The following RGS22 variants were observed in gnomAD, a reference collection of about 807,000 sequenced individuals.
RGS22 encodes the protein regulator of G-protein signaling 22.
A neutral mutation model predicts 172.9 loss-of-function variants in RGS22; 148 were observed. That is an observed-to-expected ratio of 0.86 (90% CI 0.75 to 0.98). The LOEUF (loss-of-function observed/expected upper bound fraction) is 0.98. Among genes scored for constraint, RGS22 ranks in the 50% least tolerant of loss-of-function variants. RGS22 has a pLI of 0.00. For missense variants in RGS22, 1,347 were observed against 1,440.8 expected (o/e 0.93, Z 1.05); for synonymous variants, 458 against 480.2 (o/e 0.95, Z 0.60).
At chr8:100,047,114 C>A (rs1820806444) in intron 11 of RGS22, among the ~76,000 whole-genome samples, 1 of 152,102 alleles carries the variant, frequency 6.6e-6, no homozygotes. Context: ...CGTGTCTGGT[C>A]AGTAACAATA....
intron 23 of RGS22, among the ~76,000 whole-genome samples, chr8:99,976,247 CTG>C (rs1563564437): frequency 6.6e-6 from 1 of 152,018 alleles, no homozygotes; most frequent in African/African-American, 2.4e-5. Flanking sequence ...TTATGGCAGA[CTG>C]AACAGACTAA....
chr8:100,042,070 C>A, intron 11 of RGS22, 154 bp from the exon 12 acceptor site: 1 of 502,002 alleles, frequency 2.0e-6, no homozygotes, highest in Non-Finnish European at 3.6e-6. Context: ...CGTTCTAGCC[C>A]TAAAGTGGTG....
rs369654533 is a variant in RGS22 at position 100,035,761 on chromosome 8, T to C, written c.2166+3170A>G. Among the ~76,000 whole-genome samples the C allele has an allele frequency of 2.6e-4, 40 of 152,258 alleles. 2 individuals carry two copies. The highest frequency in any genetic ancestry group is 1.9e-3 in the East Asian group (10 of 5,184). ...AAGAAAATGTGGCACATATACACCA[T>C]GGAATACTATGCAGCCATAAAAAAG... On this transcript the variant is annotated intron_variant, in intron 14 of 27. Coordinates refer to ENST00000360863, the MANE Select transcript of RGS22 (RefSeq NM_015668.5).
chr8:99,969,332 A>G (rs1811085123), intron 23 of RGS22, among the ~76,000 whole-genome samples: 1 of 152,228 alleles, frequency 6.6e-6, no homozygotes, highest in African/African-American at 2.4e-5. Context: ...AACTGCATCA[A>G]GTAATGTGCA....
chr8:99,993,179 C>T (rs1042462198), intron 20 of RGS22, among the ~76,000 whole-genome samples: 4 of 151,936 alleles, frequency 2.6e-5, no homozygotes, highest in African/African-American at 4.8e-5. Flanking sequence ...GATCTAAAAT[C>T]GACACCCTAA....
chr8:100,014,576 T>C (rs1334041454), intron 14 of RGS22, among the ~76,000 whole-genome samples: 1 of 152,206 alleles, frequency 6.6e-6, no homozygotes, highest in East Asian at 1.9e-4. Flanking sequence ...TTATCTCCTC[T>C]CTCCTTGACT....
At chr8:99,999,559 T>G in intron 18 of RGS22, 139 bp from the exon 19 acceptor site, 1 of 739,334 alleles carries the variant, frequency 1.4e-6, no homozygotes, top group Non-Finnish European at 2.2e-6. Context: ...TAACATCTCC[T>G]GGCTATACTG....
chr8:100,059,127 C>CCATGGTACATGGTA, intron 9 of RGS22, among the ~76,000 whole-genome samples: 1 of 151,194 alleles, frequency 6.6e-6, no homozygotes, highest in African/African-American at 2.4e-5. Context: ...TAACCTCAAA[C>CCATGGTACATGGTA]CAAAAAACAT....
intron 9 of RGS22, among the ~76,000 whole-genome samples, chr8:100,057,909 G>A (rs1342352926): frequency 6.6e-6 from 1 of 152,134 alleles, no homozygotes; most frequent in African/African-American, 2.4e-5. Context: ...AGAGATATGT[G>A]ACCTTTCAGA....
intron 4 of RGS22, among the ~76,000 whole-genome samples, chr8:100,076,909 C>A (rs1811392211): frequency 6.6e-6 from 1 of 152,106 alleles, no homozygotes; most frequent in Admixed American, 6.5e-5. Flanking sequence ...AGGAGAATCG[C>A]TTGAACCTGG....
At chr8:99,975,280 C>T (rs1381454119) in intron 23 of RGS22, among the ~76,000 whole-genome samples, 1 of 151,902 alleles carries the variant, frequency 6.6e-6, no homozygotes, top group Non-Finnish European at 1.5e-5. Context: ...ATTGTTGAAC[C>T]AACATCTGAT....
At chr8:100,017,181 C>T (rs1817081964) in intron 14 of RGS22, among the ~76,000 whole-genome samples, 1 of 151,692 alleles carries the variant, frequency 6.6e-6, no homozygotes, top group African/African-American at 2.4e-5. Context: ...ATTATATTGC[C>T]CAGGCTGGTC....
In RGS22 at chr8:100,066,213, A is replaced by C. The variant is rs200474479; in HGVS notation, c.678T>G (p.Cys226Trp). 187 of 1,613,582 alleles carry C rather than the reference A, an allele frequency of 1.2e-4. No homozygotes were observed. The highest frequency in any genetic ancestry group is 3.3e-4 in the Middle Eastern group (2 of 6,056). ...GTGATTTAAGTTTGTTGTAGGGTAC[A>C]CAACAGGGTAACGAAAAGGTTGATA... is the stretch of plus-strand genomic sequence containing the variant. ...QTVSTFSLPC[C>W]VPYNKLKSPA... The change falls in exon 7 of 28, where the codon TGT becomes TGG. Residue 226 changes from cysteine (C) to tryptophan (W), a missense_variant. Transcript: ENST00000360863.
At chr8:100,041,766 G>T in intron 12 of RGS22, 36 bp downstream of exon 12, 3 of 1,113,798 alleles carry the variant, frequency 2.7e-6, no homozygotes, top group African/African-American at 1.6e-5. Context: ...TCAGTTAAAT[G>T]AAGAATCAGG....
At chr8:99,967,718 G>C (rs973189412) in intron 23 of RGS22, among the ~76,000 whole-genome samples, 6 of 152,184 alleles carry the variant, frequency 3.9e-5, no homozygotes, top group Non-Finnish European at 7.3e-5. Context: ...CTGAAAGAAA[G>C]CCAGCAGCCC....
chr8:99,974,926 T>C (rs562985824), intron 23 of RGS22, among the ~76,000 whole-genome samples: 27 of 152,022 alleles, frequency 1.8e-4, no homozygotes, highest in Non-Finnish European at 2.9e-4. Flanking sequence ...GGTGGGCGGA[T>C]TACTTGAGGT....
At position 100,047,527 on chromosome 8, in the gene RGS22, G is replaced by A. The variant is rs774663532; in HGVS notation, c.1759C>T (p.Gln587Ter). The A allele has an allele frequency of 1.1e-5, 17 of 1,613,156 alleles. No individual in the cohort carries two copies. In the South Asian group the frequency reaches 1.9e-4, roughly 18 times the overall value. Residue 587 changes from glutamine to a stop codon, truncating the protein, a stop_gained, in exon 11 of 28, where the codon CAA (glutamine) becomes TAA (stop). Coordinates refer to ENST00000360863, the MANE Select transcript of RGS22 (RefSeq NM_015668.5). LOFTEE classifies it high-confidence loss of function. ...NKSPEVKTATQKPWKRELLYP... is the reference protein window; with the variant it reads ...NKSPEVKTAT Reference sequence around the variant, plus strand: ...AAAAGCTCCCGCTTCCAAGGCTTTTGAGTTGCTGTTTTTACTTCAGGTGAT... The same window carrying A: ...AAAAGCTCCCGCTTCCAAGGCTTTTAAGTTGCTGTTTTTACTTCAGGTGAT...
intron 20 of RGS22, among the ~76,000 whole-genome samples, chr8:99,996,175 G>C (rs1432800101): frequency 1.3e-5 from 2 of 152,080 alleles, no homozygotes. Context: ...ATGAGTTGAT[G>C]GGTGCAGCAA....
chr8:100,009,964 G>C (rs1816196429), intron 14 of RGS22, among the ~76,000 whole-genome samples: 1 of 152,158 alleles, frequency 6.6e-6, no homozygotes, highest in African/African-American at 2.4e-5. Context: ...ATACAGGACG[G>C]TAAGTGCTAT....
Sources: allele counts gnomAD v4.1 joint callset (sites outside exome capture counted in the v4.1 genomes callset), GRCh38; gene constraint gnomAD v4.1.1; transcripts MANE v1.5; gene names NCBI Gene and HGNC (gene_info 2026-07-23, HGNC 2026-07-21).